Variants in NIPBL observed in about 807,000 individuals in gnomAD.
NIPBL encodes the protein nipped-B-like protein.
NIPBL carries 19 observed loss-of-function variants against 321.8 expected under a neutral mutation model. The observed-to-expected ratio is 0.06, with a 90% confidence interval of 0.04 to 0.09. The LOEUF (loss-of-function observed/expected upper bound fraction) is 0.09. Among genes scored for constraint, NIPBL ranks in the 10% least tolerant of loss-of-function variants. The pLI is 1.00. For synonymous variants in NIPBL, 1,106 were observed against 1,114.1 expected, an observed-to-expected ratio of 0.99 and a Z score of 0.14; for missense variants, 2,210 against 3,327.0, an observed-to-expected ratio of 0.66 and a Z score of 8.26.
At chr5:36,998,699 C>T (rs952073855) in intron 11 of NIPBL, among the ~76,000 whole-genome samples, 5 of 151,968 alleles carry the variant, frequency 3.3e-5, no homozygotes, top group Non-Finnish European at 7.4e-5. Flanking sequence ...TAGTTGTCAT[C>T]CCTTGTAATG....
chr5:36,891,753 A>G (rs1746350565), intron 1 of NIPBL, among the ~76,000 whole-genome samples: 1 of 152,162 alleles, frequency 6.6e-6, no homozygotes, highest in South Asian at 2.1e-4. Flanking sequence ...TATGTAAAAA[A>G]ATTTTTGGAT....
intron 6 of NIPBL, among the ~76,000 whole-genome samples, chr5:36,965,524 A>G (rs1008478695): frequency 2.5e-4 from 38 of 152,170 alleles, no homozygotes; most frequent in Non-Finnish European, 5.2e-4. Context: ...AGGGTAGAGG[A>G]GGGAGGTGTT....
intron 40 of NIPBL, among the ~76,000 whole-genome samples, chr5:37,050,528 G>A (rs980255594): frequency 2.0e-5 from 3 of 150,132 alleles, no homozygotes; most frequent in South Asian, 2.1e-4. Flanking sequence ...AAAGTGATAC[G>A]ATGAATTCCT....
chr5:37,031,804 GATAA>G (rs1243820312), intron 32 of NIPBL, among the ~76,000 whole-genome samples: 1 of 152,134 alleles, frequency 6.6e-6, no homozygotes, highest in Non-Finnish European at 1.5e-5. Flanking sequence ...CAGCAACATA[GATAA>G]ATAATGAAAA....
At chr5:36,894,509 C>G (rs1746586636) in intron 1 of NIPBL, among the ~76,000 whole-genome samples, 1 of 152,100 alleles carries the variant, frequency 6.6e-6, no homozygotes, top group South Asian at 2.1e-4. Flanking sequence ...CAAATATATC[C>G]TATGCACTTT....
intron 1 of NIPBL, among the ~76,000 whole-genome samples, chr5:36,891,797 T>G (rs1746355124): frequency 6.6e-6 from 1 of 152,118 alleles, no homozygotes; most frequent in African/African-American, 2.4e-5. Context: ...AGGAGGCCAG[T>G]AGGTGTTGAG....
chr5:36,945,914 A>T (rs1049379624), intron 1 of NIPBL, among the ~76,000 whole-genome samples: 3 of 152,148 alleles, frequency 2.0e-5, no homozygotes, highest in Non-Finnish European at 4.4e-5. Context: ...CTAGGGACTC[A>T]CTGACCTATT....
At position 36,913,234 on chromosome 5, in the gene NIPBL, G is replaced by T. The variant is rs142825619; in HGVS notation, c.-80+36056G>T. ...GTTGTATAGGAGAATGTCCTTTTAC[G>T]TAGGGTAAAGTGCCATAATGCAACA... On this transcript the variant is annotated intron_variant, in intron 1 of 46. Coordinates refer to ENST00000282516, the MANE Select transcript of NIPBL (RefSeq NM_133433.4). Among the ~76,000 whole-genome samples the T allele has an allele frequency of 5.1e-4, 77 of 152,194 alleles. 1 individual carries two copies. Among genetic ancestry groups the T allele is most frequent in the Admixed American group, 4.1e-3 (62 of 15,276 alleles).
In NIPBL at chr5:37,000,521, G is replaced by T; in HGVS notation, c.3453G>T (p.Pro1151=). Reference sequence around the variant, plus strand: ...GTGGTCGTTATCGAAACCGAAGTCCGTCAGATTCTGACATGGAAGATTATT... The same window carrying T: ...GTGGTCGTTATCGAAACCGAAGTCCTTCAGATTCTGACATGGAAGATTATT... ...SGGGRYRNRS[P]SDSDMEDYSP... Residue 1151 remains proline, a synonymous_variant, in exon 12 of 47, where the codon CCG becomes CCT. Transcript: ENST00000282516. The T allele has an allele frequency of 6.2e-7, 1 of 1,613,398 alleles. No homozygotes were observed. The highest frequency in any genetic ancestry group is 8.5e-7 in the Non-Finnish European group (1 of 1,179,522).
intron 32 of NIPBL, among the ~76,000 whole-genome samples, chr5:37,033,730 A>ATAT (rs775482943): frequency 2.0e-3 from 43 of 21,504 alleles, no homozygotes; most frequent in South Asian, 9.7e-3. Context: ...ATATATATAT[A>ATAT]TTTTTTTTTT....
rs751670075 is a variant in NIPBL, at chr5:37,022,166, AT to A, written c.5427+19del. 13 of 1,613,288 alleles carry A rather than the reference AT, an allele frequency of 8.1e-6. No individual in the cohort carries two copies. Among genetic ancestry groups the A allele is most frequent in the Admixed American group, 1.7e-5 (1 of 60,000 alleles). On this transcript the variant is annotated intron_variant, in intron 28 of 46. Transcript: ENST00000282516. ...CTAGCAAGGGTAAAGAGCAAAAATG[AT>A]TCTTTCTTTTCTACTCGAATTGGAA... is the stretch of plus-strand genomic sequence containing the variant.
intron 1 of NIPBL, among the ~76,000 whole-genome samples, chr5:36,922,215 T>G (rs1464785881): frequency 6.6e-6 from 1 of 152,118 alleles, no homozygotes; most frequent in African/African-American, 2.4e-5. Flanking sequence ...AAAAATATGT[T>G]ACCAGTTTCT....
chr5:36,994,304 T>C (rs888418148), intron 10 of NIPBL, among the ~76,000 whole-genome samples: 81 of 152,142 alleles, frequency 5.3e-4, no homozygotes, highest in African/African-American at 2.0e-3. Context: ...ATTGTTCCTA[T>C]GCATGTCCTT....
At chr5:36,948,837 A>T (rs570172669) in intron 1 of NIPBL, among the ~76,000 whole-genome samples, 1 of 151,872 alleles carries the variant, frequency 6.6e-6, no homozygotes, top group African/African-American at 2.4e-5. Flanking sequence ...GTTATAAAGT[A>T]AGGATCCTAA....
chr5:36,972,164 A>T lies in NIPBL; in HGVS notation c.868+123A>T, dbSNP rs992240997. The T allele has an allele frequency of 1.7e-5, 12 of 687,488 alleles. No homozygotes were observed. The African/African-American group carries it at 2.2e-4, about 12-fold the overall frequency. 42.6% of individuals were successfully genotyped at this position (687,488 alleles called of 1,614,324 possible). ...ATTTTTTTTTCATTGTAGAAAAAAA[A>T]ATAAACCTGTACAAGCAGGTCTGGA... On this transcript the variant is annotated intron_variant, in intron 8 of 46. Transcript: ENST00000282516.
intron 15 of NIPBL, among the ~76,000 whole-genome samples, chr5:37,003,055 G>C (rs781224581): frequency 6.6e-6 from 1 of 151,114 alleles, no homozygotes; most frequent in Non-Finnish European, 1.5e-5. Context: ...TTTAAATGCA[G>C]AAATATATTA....
intron 21 of NIPBL, among the ~76,000 whole-genome samples, chr5:37,012,454 CA>C (rs1748255536): frequency 7.2e-6 from 1 of 139,568 alleles, no homozygotes. Flanking sequence ...ATTCTTTCTC[CA>C]ATTTTTTTTT....
chr5:36,985,870 A>G lies in NIPBL; in HGVS notation c.2690A>G (p.Gln897Arg). The change falls in exon 10 of 47, where the codon CAA becomes CGA. Residue 897 changes from glutamine to arginine, a missense_variant. Transcript: ENST00000282516. Reference sequence around the variant, plus strand: ...AGACCTGACAGTCCTCGTGTTAAACAAGGAGATTCTAATAAATCAAGATCT... The same window carrying G: ...AGACCTGACAGTCCTCGTGTTAAACGAGGAGATTCTAATAAATCAAGATCT... Reference protein sequence around the residue: ...KSRPDSPRVKQGDSNKSRSDK... With the variant: ...KSRPDSPRVKRGDSNKSRSDK... The G allele has an allele frequency of 6.2e-7, 1 of 1,613,902 alleles. No homozygotes were observed. Among genetic ancestry groups the G allele is most frequent in the Non-Finnish European group, 8.5e-7 (1 of 1,179,914 alleles).
chr5:36,897,128 G>A (rs948636335), intron 1 of NIPBL, among the ~76,000 whole-genome samples: 9 of 151,592 alleles, frequency 5.9e-5, no homozygotes, highest in Admixed American at 2.6e-4. Flanking sequence ...TCAGCCTCCC[G>A]AGTAGCTGGG....
Sources: allele counts gnomAD v4.1 joint callset (sites outside exome capture counted in the v4.1 genomes callset), GRCh38; gene constraint gnomAD v4.1.1; transcripts MANE v1.5; gene names NCBI Gene and HGNC (gene_info 2026-07-23, HGNC 2026-07-21).